Variants in TET3 observed in about 807,000 individuals in gnomAD.
The protein encoded by TET3 is methylcytosine dioxygenase TET3.
TET3 carries 19 observed loss-of-function variants against 141.4 expected under a neutral mutation model. The ratio of observed to expected loss-of-function variants is 0.13; its 90% CI spans 0.09 to 0.20. The LOEUF is 0.20. Ranked by LOEUF, TET3 falls within the 10% of genes least tolerant of loss-of-function variation. The pLI, the probability that TET3 is intolerant of heterozygous loss-of-function variation, is 1.00. For missense variants in TET3, 1,874 were observed against 2,356.9 expected, an observed-to-expected ratio of 0.80 and a Z score of 4.24; for synonymous variants, 1,043 against 980.9, an observed-to-expected ratio of 1.06 and a Z score of -1.18.
intron 4 of TET3, among the ~76,000 whole-genome samples, chr2:74,065,416 G>A (rs752742123): frequency 3.3e-5 from 5 of 152,058 alleles, no homozygotes; most frequent in Non-Finnish European, 7.4e-5. Flanking sequence ...TGTGGTCTTT[G>A]GACATACCTC....
At chr2:73,991,052 A>G (rs1426010225) in intron 2 of TET3, among the ~76,000 whole-genome samples, 1 of 151,508 alleles carries the variant, frequency 6.6e-6, no homozygotes, top group Non-Finnish European at 1.5e-5. Context: ...CAGGTGATCC[A>G]CCCACCTTGG....
intron 6 of TET3, among the ~76,000 whole-genome samples, chr2:74,081,467 T>C (rs1027241014): frequency 1.3e-5 from 2 of 152,204 alleles, no homozygotes; most frequent in African/African-American, 4.8e-5. Context: ...GCAGACTTGA[T>C]GCTGTGGTTC....
chr2:74,019,772 C>T (rs947175656), intron 3 of TET3, among the ~76,000 whole-genome samples: 3 of 152,082 alleles, frequency 2.0e-5, no homozygotes, highest in African/African-American at 7.2e-5. Context: ...TCCTTGTCCC[C>T]GCAGGAAAAA....
At chr2:74,036,164 C>T (rs1267721008) in intron 3 of TET3, among the ~76,000 whole-genome samples, 1 of 152,160 alleles carries the variant, frequency 6.6e-6, no homozygotes, top group East Asian at 1.9e-4. Context: ...GGTACTGTTA[C>T]TCATCCCCAA....
intron 4 of TET3, among the ~76,000 whole-genome samples, chr2:74,066,480 A>G (rs1459190381): frequency 6.6e-6 from 1 of 152,230 alleles, no homozygotes; most frequent in African/African-American, 2.4e-5. Context: ...GGATAATTAA[A>G]TTTGTACATG....
chr2:74,078,118 T>C (rs1558773518), intron 5 of TET3, among the ~76,000 whole-genome samples: 1 of 152,186 alleles, frequency 6.6e-6, no homozygotes, highest in East Asian at 1.9e-4. Flanking sequence ...ATAGAGAACA[T>C]GGAACTCAGA....
intron 2 of TET3, among the ~76,000 whole-genome samples, chr2:73,997,335 T>TAA: frequency 6.6e-6 from 1 of 152,196 alleles, no homozygotes; most frequent in East Asian, 1.9e-4. Context: ...GTCTTATTTT[T>TAA]TATTGATTGA....
At chr2:74,072,968 A>T (rs1016013082) in intron 4 of TET3, among the ~76,000 whole-genome samples, 1 of 152,242 alleles carries the variant, frequency 6.6e-6, no homozygotes, top group East Asian at 1.9e-4. Flanking sequence ...ATGTGGACAT[A>T]CGCATTTTAT....
At chr2:74,007,624 A>C (rs1685212136) in intron 3 of TET3, among the ~76,000 whole-genome samples, 1 of 152,052 alleles carries the variant, frequency 6.6e-6, no homozygotes, top group Admixed American at 6.5e-5. Context: ...GGAGGGTGAG[A>C]AGTGCAGTTG....
At chr2:74,032,568 G>A (rs1005111232) in intron 3 of TET3, among the ~76,000 whole-genome samples, 1 of 151,322 alleles carries the variant, frequency 6.6e-6, no homozygotes, top group East Asian at 2.0e-4. Context: ...TCATGACCTG[G>A]TTCTTGTGTG....
chr2:74,128,992 TAA>T, the TET3 span, among the ~76,000 whole-genome samples: 5 of 77,920 alleles, frequency 6.4e-5, no homozygotes, highest in Non-Finnish European at 9.3e-5. Context: ...TGTCTCAATT[TAA>T]AAAAAAAAAA....
chr2:74,044,672 T>TG, intron 3 of TET3, among the ~76,000 whole-genome samples: 1 of 152,202 alleles, frequency 6.6e-6, no homozygotes, highest in Non-Finnish European at 1.5e-5. Context: ...GCGAAAGTGT[T>TG]GCTAGCCTCA....
At chr2:74,052,070 C>T (rs1380170448) in intron 4 of TET3, among the ~76,000 whole-genome samples, 1 of 152,194 alleles carries the variant, frequency 6.6e-6, no homozygotes, top group Non-Finnish European at 1.5e-5. Context: ...ACCTCTGCCT[C>T]CTGGGTTCAA....
chr2:74,092,635 G>A (rs1038594118), intron 8 of TET3, among the ~76,000 whole-genome samples: 3 of 152,196 alleles, frequency 2.0e-5, no homozygotes, highest in Admixed American at 6.5e-5. Context: ...TGAACTGGGC[G>A]GGAGCCTGAA....
chr2:74,054,360 A>G (rs536899752), intron 4 of TET3, among the ~76,000 whole-genome samples: 7 of 152,302 alleles, frequency 4.6e-5, no homozygotes, highest in Admixed American at 1.3e-4. Context: ...GGTTGGATGT[A>G]GGAGTAAGGG....
At chr2:74,025,916 C>T (rs563704730) in intron 3 of TET3, among the ~76,000 whole-genome samples, 22 of 151,926 alleles carry the variant, frequency 1.4e-4, no homozygotes, top group African/African-American at 4.6e-4. Flanking sequence ...GCAGCTTGGG[C>T]GACAGAGTGA....
At chr2:74,016,997 T>C (rs560470908) in intron 3 of TET3, among the ~76,000 whole-genome samples, 8 of 152,070 alleles carry the variant, frequency 5.3e-5, no homozygotes, top group Non-Finnish European at 7.4e-5. Context: ...TTTGAAAATA[T>C]ACAATAAACC....
Position 74,100,496 on chromosome 2 carries a change from G to A in TET3, c.3708G>A (p.Val1236=). 1.9e-6 allele frequency: 3 copies of A among 1,603,446 alleles called. No individual in the cohort carries two copies. The highest frequency in any genetic ancestry group is 2.6e-6 in the Non-Finnish European group (3 of 1,175,186). The change falls in exon 12 of 12, where the codon GTG becomes GTA. Residue 1236 remains valine (V), a synonymous_variant. Coordinates refer to ENST00000409262, the MANE Select transcript of TET3 (RefSeq NM_001287491.2). ...FSSFKYSGNA[V]VESYSVLGNC... ...CCTTCAAGTACAGCGGCAACGCGGT[G>A]GTGGAGAGCTACTCGGTGCTGGGCA...
chr2:74,089,394 C>A (rs1180822984), intron 7 of TET3, among the ~76,000 whole-genome samples: 2 of 151,828 alleles, frequency 1.3e-5, no homozygotes, highest in Admixed American at 6.6e-5. Flanking sequence ...GTTTGCTTAT[C>A]CATCCCCCAG....
Sources: gnomAD v4.1 joint callset for allele counts (sites outside exome capture counted in the v4.1 genomes callset) on GRCh38, gnomAD v4.1.1 for gene constraint, MANE v1.5 for transcripts, NCBI Gene and HGNC (gene_info 2026-07-23, HGNC 2026-07-21) for gene names.